The following TEX9 variants were observed in gnomAD, a reference collection of about 807,000 sequenced individuals.
The protein encoded by TEX9 is testis-expressed protein 9.
Under a neutral mutation model 59.6 loss-of-function variants are expected in TEX9, and 74 were observed. The ratio of observed to expected loss-of-function variants is 1.24; its 90% confidence interval spans 1.03 to 1.51. The LOEUF (loss-of-function observed/expected upper bound fraction) is 1.51. Ranked by LOEUF, TEX9 falls within the 40% of genes most tolerant of loss-of-function variation. The pLI, the probability that TEX9 is intolerant of heterozygous loss-of-function variation, is 0.00. For synonymous variants in TEX9, 186 were observed against 152.2 expected (o/e 1.22, Z -1.64); for missense variants, 522 against 447.8 (o/e 1.17, Z -1.49).
At chr15:56,333,406 GA>G (rs1272300188) in intron 1 of TEX9, among the ~76,000 whole-genome samples, 9 of 145,032 alleles carry the variant, frequency 6.2e-5, no homozygotes, top group African/African-American at 1.5e-4. Flanking sequence ...CAGAATGAAG[GA>G]AAAAAAACCA....
At chr15:56,262,127 G>A (rs1263776762) in intron 1 of TEX9, among the ~76,000 whole-genome samples, 2 of 152,194 alleles carry the variant, frequency 1.3e-5, no homozygotes, top group Non-Finnish European at 2.9e-5. Flanking sequence ...GCAAGCACAC[G>A]AGAACCAGGA....
At chr15:56,324,893 CAT>C (rs1249954346) in intron 1 of TEX9, among the ~76,000 whole-genome samples, 2 of 152,130 alleles carry the variant, frequency 1.3e-5, no homozygotes, top group East Asian at 1.9e-4. Flanking sequence ...TACTGAAGAA[CAT>C]GTGTAAGTGT....
intron 1 of TEX9, among the ~76,000 whole-genome samples, chr15:56,284,241 C>T (rs2044888909): frequency 6.6e-6 from 1 of 152,154 alleles, no homozygotes; most frequent in South Asian, 2.1e-4. Context: ...AAGTGATCCT[C>T]CTGCTTCAGC....
Position 56,427,721 on chromosome 15 carries a change from TG to T in TEX9, c.1081del (p.Val361PhefsTer2), listed in dbSNP as rs755714671. ...TCAAGAAACAGTTAAAATTAATTGA[TG>T]TTTTAAAAAGGCAAAAGGTGAGTCT... On this transcript the variant is annotated frameshift_variant, in exon 11 of 13. Coordinates refer to ENST00000352903, the Ensembl canonical transcript of TEX9. LOFTEE classifies it high-confidence loss of function. The T allele has an allele frequency of 1.3e-5, 19 of 1,490,632 alleles. No homozygotes were observed. In the African/African-American group the frequency reaches 2.6e-4, roughly 21 times the overall value. 92.3% of individuals were successfully genotyped at this position (1,490,632 alleles called of 1,614,324 possible).
intron 1 of TEX9, among the ~76,000 whole-genome samples, chr15:56,247,184 T>C (rs2043878613): frequency 6.6e-6 from 1 of 152,228 alleles, no homozygotes; most frequent in African/African-American, 2.4e-5. Flanking sequence ...AAACATTTTA[T>C]ACTGTCCAGA....
At chr15:56,345,226 A>G (rs1454049944) in intron 1 of TEX9, among the ~76,000 whole-genome samples, 2 of 151,852 alleles carry the variant, frequency 1.3e-5, no homozygotes, top group East Asian at 3.9e-4. Context: ...GGGTGGGGAA[A>G]GGAATGAGGG....
intron 9 of TEX9, chr15:56,408,852 A>G (rs1482643662): frequency 1.3e-5 from 2 of 152,258 alleles, no homozygotes; most frequent in African/African-American, 2.4e-5. Flanking sequence ...TTAAACTATT[A>G]TAATAACCTC....
intron 1 of TEX9, among the ~76,000 whole-genome samples, chr15:56,254,431 G>A (rs1487095524): frequency 2.0e-5 from 3 of 151,816 alleles, no homozygotes; most frequent in Admixed American, 6.6e-5. Context: ...ATTGTCCACA[G>A]ATTAAGTAGT....
intron 2 of TEX9, among the ~76,000 whole-genome samples, chr15:56,370,983 A>G (rs2047166540): frequency 6.6e-6 from 1 of 151,848 alleles, no homozygotes. Flanking sequence ...CAGCCTCCCC[A>G]GTAGCTGAGA....
At chr15:56,412,528 T>C (rs1362172778) in intron 10 of TEX9, 92 bp downstream of exon 10, 1 of 1,320,360 alleles carries the variant, frequency 7.6e-7, no homozygotes, top group East Asian at 2.4e-5. Context: ...ATTATAATTC[T>C]TGATGTCATG....
chr15:56,408,028 T>C (rs2049161344), intron 9 of TEX9, among the ~76,000 whole-genome samples: 1 of 152,222 alleles, frequency 6.6e-6, no homozygotes, highest in Admixed American at 6.5e-5. Flanking sequence ...TTATACTCAT[T>C]AGTGTACAGA....
the TEX9 span, among the ~76,000 whole-genome samples, chr15:56,454,522 C>G: frequency 6.6e-6 from 1 of 152,098 alleles, no homozygotes; most frequent in Non-Finnish European, 1.5e-5. Context: ...AGGATTAAGT[C>G]ATACTTCTTA....
At chr15:56,283,369 A>G (rs1181108352) in intron 1 of TEX9, among the ~76,000 whole-genome samples, 2 of 152,182 alleles carry the variant, frequency 1.3e-5, no homozygotes, top group African/African-American at 2.4e-5. Flanking sequence ...GTATTCAAAA[A>G]TATCTACTAG....
Position 56,285,824 on chromosome 15 carries a change from G to A in TEX9, c.-107+41546G>A, listed in dbSNP as rs966310544. Among the ~76,000 whole-genome samples the A allele has an allele frequency of 2.6e-5, 4 of 152,174 alleles. No homozygotes were observed. In the South Asian group the frequency reaches 8.3e-4, roughly 32 times the overall value. On this transcript the variant is annotated intron_variant, in intron 1 of 5. Transcript: ENST00000560827. ...ATAAAAAATTATAGGTAAAACCTCAGTATACTTGGAGAGCAAACTAAATGA... is the reference window on the plus strand; with the variant it reads ...ATAAAAAATTATAGGTAAAACCTCAATATACTTGGAGAGCAAACTAAATGA...
intron 1 of TEX9, among the ~76,000 whole-genome samples, chr15:56,343,592 A>C (rs1393793320): frequency 6.6e-6 from 1 of 152,106 alleles, no homozygotes; most frequent in Non-Finnish European, 1.5e-5. Flanking sequence ...GAAGTATAGT[A>C]AGAGGATATT....
intron 1 of TEX9, among the ~76,000 whole-genome samples, chr15:56,341,647 T>C (rs986915815): frequency 3.9e-4 from 59 of 152,132 alleles, no homozygotes; most frequent in Non-Finnish European, 1.0e-4. Flanking sequence ...GAAAAGAGCA[T>C]GCAATATTTC....
rs1214427341 is a variant in TEX9 at position 56,442,076 on chromosome 15, A to G, written c.*30-3595A>G. On this transcript the variant is annotated intron_variant, in intron 12 of 12. Transcript: ENST00000352903. The stretch of plus-strand genomic sequence containing the variant: ...TAAAAAGAAAAAATAGGCTAAGTAC[A>G]TGAACAGATACCTCTCAAAAAATGA... 2.0e-5 allele frequency among the ~76,000 whole-genome samples: 3 copies of G among 152,046 alleles called. No individual in the cohort carries two copies. The East Asian group carries it at 5.8e-4, about 29-fold the overall frequency.
chr15:56,273,549 A>G (rs2044599002), intron 1 of TEX9, among the ~76,000 whole-genome samples: 1 of 152,242 alleles, frequency 6.6e-6, no homozygotes, highest in Admixed American at 6.5e-5. Flanking sequence ...CAATTAAAAT[A>G]AGGAAAAAAA....
chr15:56,345,038 G>GAGAT (rs150745073), intron 1 of TEX9, among the ~76,000 whole-genome samples: 24 of 141,502 alleles, frequency 1.7e-4, no homozygotes, highest in Admixed American at 1.5e-3. Flanking sequence ...TATCTATCTG[G>GAGAT]ATATATATAT....
Sources: gnomAD v4.1 joint callset for allele counts (sites outside exome capture counted in the v4.1 genomes callset) on GRCh38, gnomAD v4.1.1 for gene constraint, MANE v1.5 for transcripts, NCBI Gene and HGNC (gene_info 2026-07-23, HGNC 2026-07-21) for gene names.